LRRC4C: variants seen among roughly 807,000 people sequenced by gnomAD.
LRRC4C encodes leucine rich repeat containing 4C.
In LRRC4C, 5 loss-of-function variants were observed where a neutral mutation model predicts 33.6. The ratio of observed to expected loss-of-function variants is 0.15; its 90% CI spans 0.08 to 0.31. The LOEUF (loss-of-function observed/expected upper bound fraction) is 0.31. Ranked by LOEUF, LRRC4C falls within the 10% of genes least tolerant of loss-of-function variation. LRRC4C has a pLI of 1.00. For missense variants in LRRC4C, 560 were observed against 796.7 expected (o/e 0.70, Z 3.58); for synonymous variants, 329 against 302.0 (o/e 1.09, Z -0.93).
intron 1 of LRRC4C, among the ~76,000 whole-genome samples, chr11:41,302,341 G>A (rs768427017): frequency 2.6e-5 from 4 of 152,132 alleles, no homozygotes; most frequent in Non-Finnish European, 4.4e-5. Context: ...GGGAAGCTAC[G>A]CAATCACAGA....
intron 1 of LRRC4C, among the ~76,000 whole-genome samples, chr11:41,177,293 T>C (rs1945247370): frequency 6.6e-6 from 1 of 152,130 alleles, no homozygotes; most frequent in Non-Finnish European, 1.5e-5. Context: ...ATGGTAATTA[T>C]AGGGAAGCGT....
chr11:41,454,715 G>T (rs1956126034), intron 1 of LRRC4C, among the ~76,000 whole-genome samples: 1 of 152,182 alleles, frequency 6.6e-6, no homozygotes, highest in South Asian at 2.1e-4. Flanking sequence ...ATGAAGCCAT[G>T]GTACATGAAA....
chr11:40,182,529 T>A (rs1341068672), intron 5 of LRRC4C, among the ~76,000 whole-genome samples: 1 of 152,246 alleles, frequency 6.6e-6, no homozygotes, highest in Non-Finnish European at 1.5e-5. Context: ...CAAAAACTTC[T>A]TATTTTAGAA....
At chr11:40,164,139 C>T (rs1859390876) in intron 5 of LRRC4C, among the ~76,000 whole-genome samples, 1 of 152,154 alleles carries the variant, frequency 6.6e-6, no homozygotes, top group African/African-American at 2.4e-5. Flanking sequence ...AGCAAAAAAG[C>T]TAGGACCTCA....
At chr11:41,191,917 A>T (rs1945966724) in intron 1 of LRRC4C, among the ~76,000 whole-genome samples, 1 of 152,166 alleles carries the variant, frequency 6.6e-6, no homozygotes, top group Non-Finnish European at 1.5e-5. Flanking sequence ...TTTGGAAGTT[A>T]CATCTAATTT....
intron 1 of LRRC4C, among the ~76,000 whole-genome samples, chr11:41,168,047 T>C (rs920627072): frequency 2.0e-5 from 3 of 152,160 alleles, no homozygotes; most frequent in African/African-American, 7.2e-5. Context: ...AGTCTGTGAA[T>C]AATATGTTTA....
At chr11:40,583,246 G>T (rs916613945) in intron 3 of LRRC4C, among the ~76,000 whole-genome samples, 1 of 152,090 alleles carries the variant, frequency 6.6e-6, no homozygotes, top group African/African-American at 2.4e-5. Context: ...ATCCCAGACA[G>T]TTTAAACCAC....
chr11:41,039,215 C>T (rs916286258), intron 1 of LRRC4C, among the ~76,000 whole-genome samples: 5 of 152,072 alleles, frequency 3.3e-5, no homozygotes, highest in Admixed American at 1.3e-4. Flanking sequence ...AATTGATTAA[C>T]GTGATAGAAA....
chr11:40,362,070 T>C lies in LRRC4C; in HGVS notation c.-269-42349A>G, dbSNP rs1057371112. On this transcript the variant is annotated intron_variant, in intron 3 of 6. Coordinates refer to ENST00000528697, the MANE Select transcript of LRRC4C (RefSeq NM_001258419.2). ...TAACTGGCTAGCTATATGCAGAAGA[T>C]TGAAACTGGACCCTTTCCTTACACT... Among the ~76,000 whole-genome samples, 7 of 152,116 alleles carry C rather than the reference T, an allele frequency of 4.6e-5. No homozygotes were observed. In the East Asian group the frequency reaches 7.7e-4, roughly 17 times the overall value.
intron 2 of LRRC4C, among the ~76,000 whole-genome samples, chr11:40,760,937 C>T (rs375314725): frequency 6.7e-6 from 1 of 149,080 alleles, no homozygotes; most frequent in Admixed American, 6.7e-5. Flanking sequence ...AGTTTCTGGT[C>T]TCAAACTCCT....
At chr11:41,277,029 A>C (rs1276488592) in intron 1 of LRRC4C, among the ~76,000 whole-genome samples, 1 of 152,198 alleles carries the variant, frequency 6.6e-6, no homozygotes, top group African/African-American at 2.4e-5. Context: ...ACAAGAAACT[A>C]TCACAGATGT....
chr11:41,300,981 A>T (rs1234675365), intron 1 of LRRC4C, among the ~76,000 whole-genome samples: 1 of 152,210 alleles, frequency 6.6e-6, no homozygotes, highest in African/African-American at 2.4e-5. Flanking sequence ...TAACAACTTA[A>T]ATTTAAACAA....
At chr11:40,994,346 G>C (rs536246998) in intron 1 of LRRC4C, among the ~76,000 whole-genome samples, 41 of 152,258 alleles carry the variant, frequency 2.7e-4, no homozygotes, top group African/African-American at 9.4e-4. Context: ...ACATTCCCCT[G>C]ACGGAGAGTT....
At chr11:41,347,689 A>G (rs913168040) in intron 1 of LRRC4C, among the ~76,000 whole-genome samples, 1 of 152,218 alleles carries the variant, frequency 6.6e-6, no homozygotes, top group Non-Finnish European at 1.5e-5. Context: ...AAAGATGTTG[A>G]TAAAAATGAC....
chr11:40,840,455 G>A (rs1351515045), intron 2 of LRRC4C, among the ~76,000 whole-genome samples: 1 of 152,102 alleles, frequency 6.6e-6, no homozygotes, highest in Non-Finnish European at 1.5e-5. Flanking sequence ...TAATGGAATA[G>A]AAAAAGCAGA....
intron 1 of LRRC4C, among the ~76,000 whole-genome samples, chr11:41,115,379 T>G (rs1323336771): frequency 6.7e-6 from 1 of 149,640 alleles, no homozygotes. Context: ...CCCCATCTTT[T>G]TTTTTCTTTT....
At chr11:41,416,372 A>T (rs1954681243) in intron 1 of LRRC4C, among the ~76,000 whole-genome samples, 1 of 152,012 alleles carries the variant, frequency 6.6e-6, no homozygotes, top group South Asian at 2.1e-4. Flanking sequence ...TAGTACAATG[A>T]AGAAATTGAG....
chr11:40,479,009 A>T (rs1198798123), intron 3 of LRRC4C, among the ~76,000 whole-genome samples: 1 of 152,182 alleles, frequency 6.6e-6, no homozygotes, highest in Non-Finnish European at 1.5e-5. Flanking sequence ...ATACAAAATG[A>T]TTACTCTGAA....
chr11:40,823,942 A>T (rs866516745), intron 2 of LRRC4C, among the ~76,000 whole-genome samples: 13 of 151,972 alleles, frequency 8.6e-5, no homozygotes, highest in Admixed American at 7.9e-4. Context: ...AACTATAAAA[A>T]TAAAATGCCA....
Sources: allele counts gnomAD v4.1 joint callset (sites outside exome capture counted in the v4.1 genomes callset), GRCh38; gene constraint gnomAD v4.1.1; transcripts MANE v1.5; gene names NCBI Gene and HGNC (gene_info 2026-07-23, HGNC 2026-07-21).